CDC14B: variants seen among roughly 807,000 people sequenced by gnomAD.
The protein encoded by CDC14B is dual specificity protein phosphatase CDC14B.
Under a neutral mutation model 64.2 loss-of-function variants are expected in CDC14B, and 22 were observed. That is an observed-to-expected ratio of 0.34 (90% CI 0.24 to 0.49). The LOEUF (loss-of-function observed/expected upper bound fraction) is 0.49. Ranked by LOEUF, CDC14B falls within the 20% of genes least tolerant of loss-of-function variation. The pLI is 0.99. For missense variants in CDC14B, 498 were observed against 629.9 expected (o/e 0.79, Z 2.24); for synonymous variants, 191 against 215.8 (o/e 0.89, Z 1.01).
intron 1 of CDC14B, among the ~76,000 whole-genome samples, chr9:96,572,347 T>A (rs912874131): frequency 2.6e-5 from 4 of 152,118 alleles, no homozygotes; most frequent in African/African-American, 7.2e-5. Context: ...ACTTGTGACT[T>A]GTGGGAAGGA....
At chr9:96,553,094 C>T (rs937563091) in intron 4 of CDC14B, among the ~76,000 whole-genome samples, 3 of 152,118 alleles carry the variant, frequency 2.0e-5, no homozygotes, top group African/African-American at 7.2e-5. Flanking sequence ...CTTAGCTGAA[C>T]CCAAATCTAC....
chr9:96,599,616 GT>G (rs1233858475), intron 1 of CDC14B, among the ~76,000 whole-genome samples: 1 of 152,158 alleles, frequency 6.6e-6, no homozygotes, highest in East Asian at 1.9e-4. Context: ...AAAATCTGAA[GT>G]TTAGTTAATA....
chr9:96,595,784 T>C (rs551835475), intron 1 of CDC14B, among the ~76,000 whole-genome samples: 1 of 152,222 alleles, frequency 6.6e-6, no homozygotes, highest in African/African-American at 2.4e-5. Context: ...AGTAGATTCG[T>C]AGTTGCGCCT....
At chr9:96,541,009 T>A (rs576926653) in intron 6 of CDC14B, among the ~76,000 whole-genome samples, 7 of 152,226 alleles carry the variant, frequency 4.6e-5, no homozygotes, top group African/African-American at 1.7e-4. Context: ...GACATGTCTG[T>A]CACAATTCCC....
chr9:96,508,706 C>A (rs1834514721), intron 13 of CDC14B, among the ~76,000 whole-genome samples: 1 of 152,184 alleles, frequency 6.6e-6, no homozygotes, highest in South Asian at 2.1e-4. Flanking sequence ...CATGGCAGAG[C>A]TGAATGAGTC....
intron 1 of CDC14B, chr9:96,566,736 C>T: frequency 6.3e-7 from 1 of 1,590,330 alleles, no homozygotes; most frequent in Non-Finnish European, 8.6e-7. Flanking sequence ...GTGCCGGAGC[C>T]CCCAGGGGAA....
intron 1 of CDC14B, among the ~76,000 whole-genome samples, chr9:96,568,616 GACTGAAA>G (rs1844283050): frequency 6.6e-6 from 1 of 152,128 alleles, no homozygotes; most frequent in African/African-American, 2.4e-5. Context: ...AAATGTTTAA[GACTGAAA>G]ACTGAAAACT....
intron 12 of CDC14B, among the ~76,000 whole-genome samples, chr9:96,521,327 C>T (rs559426410): frequency 6.6e-6 from 1 of 152,276 alleles, no homozygotes; most frequent in South Asian, 2.1e-4. Flanking sequence ...GATCTGCCCA[C>T]CTTGGCCTCC....
rs562610396 is a variant in CDC14B, at chr9:96,502,162, C to T, written c.*1591G>A. ...AACCACTGTTTTTCTGTGATCCAGT[C>T]CCCAGTGTTTAAAAGCTGGCCTGAC... On this transcript the variant is annotated 3_prime_UTR_variant, in exon 14 of 14. Coordinates refer to ENST00000375241, the MANE Select transcript of CDC14B (RefSeq NM_033331.4). 1.3e-5 allele frequency: 2 copies of T among 152,276 alleles called. No individual in the cohort carries two copies. The highest frequency in any genetic ancestry group is 1.3e-4 in the Admixed American group (2 of 15,292). The allele number at this position is 152,276 out of a possible 1,614,324, so 9.4% of individuals were successfully genotyped here. A position where few individuals can be genotyped will look rare whatever the true frequency, so the allele number is the denominator to read the frequency against.
At chr9:96,495,314 T>TCTC (rs16912147), downstream of CDC14B, among the ~76,000 whole-genome samples, 35,944 of 151,626 alleles carry the variant, frequency 0.24, 5,536 homozygotes, top group African/African-American at 0.44. Context: ...GTAAGACATT[T>TCTC]CTCAAGAACC....
chr9:96,553,360 CTTTTTTTTTT>C (rs113951578), intron 4 of CDC14B, among the ~76,000 whole-genome samples: 1 of 138,596 alleles, frequency 7.2e-6, no homozygotes, highest in African/African-American at 2.7e-5. Context: ...CTTTTCTTTT[CTTTTTTTTTT>C]TTTTTGAGAT....
chr9:96,612,817 A>T (rs1336524597), intron 1 of CDC14B, among the ~76,000 whole-genome samples: 2 of 152,252 alleles, frequency 1.3e-5, no homozygotes, highest in Non-Finnish European at 2.9e-5. Context: ...AAAGCTTGGC[A>T]GAGTAGGTAT....
At chr9:96,607,713 G>T (rs1479722156) in intron 1 of CDC14B, among the ~76,000 whole-genome samples, 8 of 152,094 alleles carry the variant, frequency 5.3e-5, no homozygotes, top group Non-Finnish European at 1.5e-5. Flanking sequence ...GTGAGCCACC[G>T]CGCCCGGCCA....
intron 3 of CDC14B, among the ~76,000 whole-genome samples, chr9:96,563,382 G>A (rs961538818): frequency 1.3e-5 from 2 of 152,206 alleles, no homozygotes; most frequent in Non-Finnish European, 2.9e-5. Context: ...GGTGGGTGCG[G>A]TGGCTCACGC....
In CDC14B at chr9:96,505,917, A is replaced by G. The variant is rs79310517; in HGVS notation, c.1461-2128T>C. On this transcript the variant is annotated intron_variant, in intron 13 of 13. Coordinates refer to ENST00000375241, the MANE Select transcript of CDC14B (RefSeq NM_033331.4). ...CCCAAAGACAAATAGTTAAGACATCACTCCTATTTTTTCAGCTGCCCCAAG... is the reference window on the plus strand; with the variant it reads ...CCCAAAGACAAATAGTTAAGACATCGCTCCTATTTTTTCAGCTGCCCCAAG... Among the ~76,000 whole-genome samples the G allele has an allele frequency of 6.3e-3, 959 of 152,116 alleles. 10 individuals carry two copies. Among genetic ancestry groups the G allele is most frequent in the African/African-American group, 0.022 (911 of 41,502 alleles).
At chr9:96,606,588 T>C (rs773119884) in intron 1 of CDC14B, among the ~76,000 whole-genome samples, 125 of 144,638 alleles carry the variant, frequency 8.6e-4, no homozygotes, top group Non-Finnish European at 4.8e-4. Context: ...TTTCTGGAGA[T>C]GGTGTTTCAC....
At chr9:96,562,973 G>C (rs898141111) in intron 3 of CDC14B, among the ~76,000 whole-genome samples, 188 bp from the exon 4 acceptor site, 2 of 152,144 alleles carry the variant, frequency 1.3e-5, no homozygotes, top group African/African-American at 4.8e-5. Context: ...TCTGGGATGA[G>C]AATGAACATA....
At chr9:96,535,102 T>A (rs571367789) in intron 7 of CDC14B, among the ~76,000 whole-genome samples, 2 of 152,336 alleles carry the variant, frequency 1.3e-5, no homozygotes, top group Admixed American at 6.5e-5. Flanking sequence ...AGTTCATTTG[T>A]TCGTGATCAG....
At chr9:96,558,975 C>T (rs777896776) in intron 4 of CDC14B, among the ~76,000 whole-genome samples, 36 of 152,080 alleles carry the variant, frequency 2.4e-4, no homozygotes, top group Non-Finnish European at 3.8e-4. Context: ...TTTACCAGGC[C>T]ACATGAAGAG....
Sources: allele counts gnomAD v4.1 joint callset (sites outside exome capture counted in the v4.1 genomes callset), GRCh38; gene constraint gnomAD v4.1.1; transcripts MANE v1.5; gene names NCBI Gene and HGNC (gene_info 2026-07-23, HGNC 2026-07-21).